Variants in NELL1 observed in about 807,000 individuals in gnomAD.
NELL1 encodes the protein protein kinase C-binding protein NELL1.
A neutral mutation model predicts 107.4 loss-of-function variants in NELL1; 76 were observed. The ratio of observed to expected loss-of-function variants is 0.71; its 90% CI spans 0.59 to 0.86. NELL1 has a LOEUF of 0.86. NELL1 is among the 40% of genes least tolerant of loss of function. The pLI is 0.00. For synonymous variants in NELL1, 353 were observed against 341.2 expected (o/e 1.03, Z -0.38); for missense variants, 1,024 against 1,005.5 (o/e 1.02, Z -0.25).
intron 4 of NELL1, among the ~76,000 whole-genome samples, chr11:20,870,532 G>A (rs1279349453): frequency 6.6e-6 from 1 of 152,020 alleles, no homozygotes; most frequent in Non-Finnish European, 1.5e-5. Flanking sequence ...TCATCTCAGT[G>A]ATTTTCTTAT....
chr11:21,116,396 A>C (rs1220726514), intron 13 of NELL1, among the ~76,000 whole-genome samples: 1 of 151,940 alleles, frequency 6.6e-6, no homozygotes, highest in Non-Finnish European at 1.5e-5. Context: ...CATCAATCTT[A>C]GAGCTTTAAT....
intron 12 of NELL1, among the ~76,000 whole-genome samples, chr11:21,075,845 C>T (rs367875454): frequency 1.2e-4 from 19 of 152,074 alleles, no homozygotes; most frequent in Admixed American, 9.2e-4. Context: ...TTTCTATAAT[C>T]GGTCATGGGG....
intron 5 of NELL1, among the ~76,000 whole-genome samples, chr11:20,905,248 A>C (rs950297058): frequency 6.6e-6 from 1 of 152,142 alleles, no homozygotes; most frequent in African/African-American, 2.4e-5. Flanking sequence ...GAAATGGACT[A>C]CTGTAGTATT....
intron 12 of NELL1, among the ~76,000 whole-genome samples, chr11:21,084,545 C>T (rs1162183893): frequency 6.6e-6 from 1 of 152,150 alleles, no homozygotes; most frequent in African/African-American, 2.4e-5. Flanking sequence ...TCGCTCTCCA[C>T]ATTACGATCA....
At chr11:20,802,920 T>C (rs1341094759) in intron 3 of NELL1, among the ~76,000 whole-genome samples, 1 of 152,182 alleles carries the variant, frequency 6.6e-6, no homozygotes, top group Non-Finnish European at 1.5e-5. Context: ...ATAAATTTCA[T>C]TTGGTCATGA....
chr11:21,180,904 G>A lies in NELL1; in HGVS notation c.1427-48428G>A, dbSNP rs751680707. Among the ~76,000 whole-genome samples, 3 of 151,570 alleles carry A rather than the reference G, an allele frequency of 2.0e-5. 1 individual carries two copies. Among genetic ancestry groups the A allele is most frequent in the African/African-American group, 4.9e-5 (2 of 41,012 alleles). The stretch of plus-strand genomic sequence containing the variant: ...AAATGTTCTCTGCCTAGAAAACTAC[G>A]TTTTTCTAGGTGAATCCTGAATCCT... On this transcript the variant is annotated intron_variant, in intron 13 of 19. Coordinates refer to ENST00000357134, the MANE Select transcript of NELL1 (RefSeq NM_006157.5).
At chr11:21,287,961 TACTC>T (rs144046671) in intron 14 of NELL1, among the ~76,000 whole-genome samples, 2,794 of 150,090 alleles carry the variant, frequency 0.019, 98 homozygotes, top group African/African-American at 0.065. Flanking sequence ...TCTTAGTTCA[TACTC>T]ACTCTAAAGA....
At chr11:21,529,408 C>T (rs894658623) in intron 15 of NELL1, among the ~76,000 whole-genome samples, 6 of 152,176 alleles carry the variant, frequency 3.9e-5, no homozygotes, top group African/African-American at 1.4e-4. Flanking sequence ...GAAGAACTAG[C>T]CTGTTTCTGC....
At chr11:21,020,217 A>G (rs191024633) in intron 12 of NELL1, among the ~76,000 whole-genome samples, 56 of 152,244 alleles carry the variant, frequency 3.7e-4, no homozygotes, top group Non-Finnish European at 1.3e-4. Flanking sequence ...CCATTACGTA[A>G]TTGACTATAC....
chr11:21,131,411 C>T (rs191405706), intron 13 of NELL1, among the ~76,000 whole-genome samples: 50 of 152,252 alleles, frequency 3.3e-4, no homozygotes, highest in Non-Finnish European at 6.0e-4. Flanking sequence ...ATTAGAGAGA[C>T]TATTTTAATC....
At chr11:21,286,801 T>G (rs1389877433) in intron 14 of NELL1, among the ~76,000 whole-genome samples, 5 of 152,228 alleles carry the variant, frequency 3.3e-5, no homozygotes, top group African/African-American at 9.6e-5. Context: ...TAGGGTAAGC[T>G]CCACGTGTTT....
chr11:21,111,271 C>G (rs933254138), intron 12 of NELL1, among the ~76,000 whole-genome samples: 12 of 152,074 alleles, frequency 7.9e-5, no homozygotes, highest in Non-Finnish European at 1.2e-4. Context: ...ATCAGTCCGC[C>G]TCTGGGCTTA....
At chr11:20,829,520 C>T (rs994089093) in intron 3 of NELL1, among the ~76,000 whole-genome samples, 1 of 151,224 alleles carries the variant, frequency 6.6e-6, no homozygotes, top group African/African-American at 2.4e-5. Flanking sequence ...GCCACTGCAC[C>T]TGGCCTGCTG....
At chr11:21,316,785 A>T (rs1374157372) in intron 14 of NELL1, among the ~76,000 whole-genome samples, 2 of 152,274 alleles carry the variant, frequency 1.3e-5, no homozygotes, top group African/African-American at 4.8e-5. Flanking sequence ...CCTCACTGAC[A>T]GCAAAGAGAA....
At chr11:21,316,364 A>G (rs78393023) in intron 14 of NELL1, among the ~76,000 whole-genome samples, 7,359 of 152,314 alleles carry the variant, frequency 0.048, 238 homozygotes, top group East Asian at 0.11. Flanking sequence ...ATTAAAATTA[A>G]AATGTAGTCA....
At chr11:21,019,411 C>G (rs1372278097) in intron 12 of NELL1, among the ~76,000 whole-genome samples, 2 of 151,986 alleles carry the variant, frequency 1.3e-5, no homozygotes, top group Non-Finnish European at 2.9e-5. Flanking sequence ...AAGGGTCATT[C>G]CAGGCACAGT....
chr11:21,083,632 T>C (rs893754805), intron 12 of NELL1, among the ~76,000 whole-genome samples: 7 of 152,116 alleles, frequency 4.6e-5, no homozygotes, highest in African/African-American at 1.4e-4. Flanking sequence ...TGGGAAGACA[T>C]TGAAGTTTAA....
chr11:21,067,090 C>T (rs1041225096), intron 12 of NELL1, among the ~76,000 whole-genome samples: 1 of 152,034 alleles, frequency 6.6e-6, no homozygotes, highest in African/African-American at 2.4e-5. Context: ...TCCTATATTG[C>T]TATTTCTTTT....
Position 21,135,186 on chromosome 11 carries a change from G to T in NELL1, c.1426+21472G>T, listed in dbSNP as rs533960714. Among the ~76,000 whole-genome samples the T allele has an allele frequency of 3.3e-5, 5 of 152,238 alleles. No homozygotes were observed. In the South Asian group the frequency reaches 1.0e-3, roughly 32 times the overall value. On this transcript the variant is annotated intron_variant, in intron 13 of 19. Transcript: ENST00000357134. ...ACTCACAGAGTTCCTTGGTTGTTGG[G>T]AACATGTAGATCATAAGAGCAATCT...
Sources: allele counts gnomAD v4.1 joint callset (sites outside exome capture counted in the v4.1 genomes callset), GRCh38; gene constraint gnomAD v4.1.1; transcripts MANE v1.5; gene names NCBI Gene and HGNC (gene_info 2026-07-23, HGNC 2026-07-21).